RALY: variants seen among roughly 807,000 people sequenced by gnomAD.
The protein encoded by RALY is RNA-binding protein Raly.
Under a neutral mutation model 30.7 loss-of-function variants are expected in RALY, and 15 were observed. The observed-to-expected ratio is 0.49, with a 90% CI of 0.33 to 0.75. RALY has a LOEUF of 0.75. Among genes scored for constraint, RALY ranks in the 30% least tolerant of loss-of-function variants. RALY has a pLI of 0.02. For missense variants in RALY, 339 were observed against 414.3 expected, an observed-to-expected ratio of 0.82 and a Z score of 1.58; for synonymous variants, 177 against 170.8, an observed-to-expected ratio of 1.04 and a Z score of -0.28.
chr20:34,045,728 A>G (rs571059969), intron 2 of RALY, among the ~76,000 whole-genome samples: 81 of 152,122 alleles, frequency 5.3e-4, no homozygotes, highest in Non-Finnish European at 9.9e-4. Context: ...TCAGACCTAC[A>G]TTTGCTCACA....
chr20:34,030,559 T>C (rs1430612695), intron 1 of RALY, among the ~76,000 whole-genome samples: 1 of 152,200 alleles, frequency 6.6e-6, no homozygotes, highest in African/African-American at 2.4e-5. Flanking sequence ...AGAATCCAGG[T>C]GATCTAAGCC....
intron 1 of RALY, among the ~76,000 whole-genome samples, chr20:34,010,766 C>T (rs1350338508): frequency 1.3e-5 from 2 of 152,178 alleles, no homozygotes; most frequent in Non-Finnish European, 2.9e-5. Flanking sequence ...GACCTTTCAG[C>T]AGCAACTGCC....
chr20:34,020,217 A>T (rs935590567), intron 1 of RALY, among the ~76,000 whole-genome samples: 2 of 152,248 alleles, frequency 1.3e-5, no homozygotes, highest in African/African-American at 4.8e-5. Context: ...TGTGCTGGAC[A>T]GATTACCTGG....
intron 2 of RALY, among the ~76,000 whole-genome samples, chr20:34,036,790 C>CGA (rs1311446479): frequency 1.3e-5 from 2 of 151,888 alleles, no homozygotes; most frequent in Non-Finnish European, 2.9e-5. Flanking sequence ...GTTTCCATTT[C>CGA]ACCCAAGTTG....
chr20:34,048,740 C>A (rs914924509), intron 2 of RALY, among the ~76,000 whole-genome samples: 1 of 151,356 alleles, frequency 6.6e-6, no homozygotes, highest in African/African-American at 2.4e-5. Context: ...CCTGTAGTCC[C>A]AGCTACTCGG....
intron 3 of RALY, 98 bp from the exon 4 acceptor site, chr20:34,073,465 C>G (rs149999947): frequency 4.5e-6 from 5 of 1,113,822 alleles, no homozygotes; most frequent in Non-Finnish European, 6.8e-6. Context: ...ATGTGTATAC[C>G]GTGTAAGCAC....
intron 1 of RALY, among the ~76,000 whole-genome samples, chr20:34,017,973 T>TG (rs2031671686): frequency 6.6e-6 from 1 of 152,286 alleles, no homozygotes; most frequent in Non-Finnish European, 1.5e-5. Context: ...AAGGCATGAA[T>TG]GGGGGTTCTC....
intron 1 of RALY, among the ~76,000 whole-genome samples, chr20:34,018,242 GGGA>G (rs1275305242): frequency 1.3e-5 from 2 of 152,212 alleles, no homozygotes; most frequent in East Asian, 3.8e-4. Context: ...GCAGCAGGTA[GGGA>G]GGAGAAGATT....
At chr20:34,053,042 C>CTT (rs34604270) in intron 2 of RALY, among the ~76,000 whole-genome samples, 1 of 146,216 alleles carries the variant, frequency 6.8e-6, no homozygotes, top group Non-Finnish European at 1.5e-5. Flanking sequence ...TAAAAAGAAA[C>CTT]TTTTTTTTTT....
chr20:34,078,336 A>G (rs1190872808), intron 8 of RALY, among the ~76,000 whole-genome samples, 169 bp from the exon 9 acceptor site: 1 of 152,196 alleles, frequency 6.6e-6, no homozygotes, highest in African/African-American at 2.4e-5. Context: ...TTCCCAAGCC[A>G]GCTTTGTTGG....
At chr20:34,021,269 C>T (rs1182675346) in intron 1 of RALY, among the ~76,000 whole-genome samples, 1 of 152,114 alleles carries the variant, frequency 6.6e-6, no homozygotes, top group Non-Finnish European at 1.5e-5. Context: ...GGCTGAAAGT[C>T]ACCGTCTTAG....
At chr20:34,074,638 A>G (rs1187114333) in intron 5 of RALY, among the ~76,000 whole-genome samples, 1 of 152,072 alleles carries the variant, frequency 6.6e-6, no homozygotes, top group African/African-American at 2.4e-5. Flanking sequence ...TTTAGATGCT[A>G]ATCTCAGCTC....
At position 34,024,957 on chromosome 20, in the gene RALY, T is replaced by A. The variant is rs370586441; in HGVS notation, c.-92-6565T>A. Among the ~76,000 whole-genome samples, 52 of 152,232 alleles carry A rather than the reference T, an allele frequency of 3.4e-4. No homozygotes were observed. In the South Asian group the frequency reaches 0.011, roughly 32 times the overall value. On this transcript the variant is annotated intron_variant, in intron 1 of 9. Transcript: ENST00000246194. ...AGCCTTACAGAAGGGTTGAGGCAGT[T>A]TTGAGGCTGAGGGGTTAGGGGGAGC...
At chr20:34,006,527 T>G (rs183061667) in intron 1 of RALY, among the ~76,000 whole-genome samples, 58 of 152,358 alleles carry the variant, frequency 3.8e-4, no homozygotes, top group Admixed American at 5.9e-4. Flanking sequence ...TCTTCAAGTC[T>G]CGTTTAATTT....
intron 1 of RALY, among the ~76,000 whole-genome samples, chr20:33,999,606 C>G (rs1276421013): frequency 6.6e-6 from 1 of 152,194 alleles, no homozygotes; most frequent in Admixed American, 6.5e-5. Flanking sequence ...CTAAGTCCCT[C>G]TCTAAGCCGA....
intron 2 of RALY, among the ~76,000 whole-genome samples, chr20:34,067,163 T>G (rs1416433736): frequency 2.0e-5 from 3 of 152,230 alleles, no homozygotes; most frequent in African/African-American, 7.2e-5. Flanking sequence ...ACTGTAATAC[T>G]GTGCAGCATT....
intron 1 of RALY, among the ~76,000 whole-genome samples, chr20:34,005,552 C>T (rs1206478747): frequency 6.6e-6 from 1 of 152,022 alleles, no homozygotes; most frequent in Non-Finnish European, 1.5e-5. Flanking sequence ...TTAACACAGC[C>T]TTGCATATTA....
rs1039542148 is a variant in RALY, at chr20:33,999,123, C to CAAAAAAA, written c.-93+5004_-93+5010dup. Among the ~76,000 whole-genome samples the CAAAAAAA allele has an allele frequency of 2.0e-3, 111 of 54,150 alleles. 1 individual carries two copies. Among genetic ancestry groups the CAAAAAAA allele is most frequent in the Middle Eastern group, 0.011 (1 of 94 alleles). The allele number at this position is 54,150 out of a possible 152,430, so 35.5% of individuals were successfully genotyped here. On this transcript the variant is annotated intron_variant, in intron 1 of 9. Transcript: ENST00000246194. ...CCAGCCTGGGTGTGAGACTCCATCT[C>CAAAAAAA]AAAAAAAAAAAAAAAAAAGGAAAGA...
chr20:34,000,366 G>C (rs2030858216), intron 1 of RALY, among the ~76,000 whole-genome samples: 1 of 152,156 alleles, frequency 6.6e-6, no homozygotes, highest in South Asian at 2.1e-4. Flanking sequence ...CCCAAAGAGT[G>C]GGGGTGGGGA....
Sources: allele counts gnomAD v4.1 joint callset (sites outside exome capture counted in the v4.1 genomes callset), GRCh38; gene constraint gnomAD v4.1.1; transcripts MANE v1.5; gene names NCBI Gene and HGNC (gene_info 2026-07-23, HGNC 2026-07-21).